Variants in TOX observed in about 807,000 individuals in gnomAD.
TOX encodes the protein thymocyte selection associated high mobility group box.
Under a neutral mutation model 53.7 loss-of-function variants are expected in TOX, and 11 were observed. The observed-to-expected ratio is 0.20, with a 90% CI of 0.13 to 0.34. The LOEUF (loss-of-function observed/expected upper bound fraction) is 0.34. Among genes scored for constraint, TOX ranks in the 10% least tolerant of loss-of-function variants. The probability of loss-of-function intolerance (pLI) is 1.00; values close to 1 mark genes in which losing one functional copy is unlikely to be tolerated. For synonymous variants in TOX, 225 were observed against 245.3 expected (o/e 0.92, Z 0.77); for missense variants, 570 against 664.6 (o/e 0.86, Z 1.56).
In TOX at chr8:58,907,526, C is replaced by T. The variant is rs376371317; in HGVS notation, c.411+31776G>A. ...AGGAGAATTGCTTGAACCCAAGAGG[C>T]GGAGGTTGCAGTGAGCTGAGATCAC... is the stretch of plus-strand genomic sequence containing the variant. On this transcript the variant is annotated intron_variant, in intron 3 of 8. Transcript: ENST00000361421. Among the ~76,000 whole-genome samples the T allele has an allele frequency of 2.6e-5, 4 of 151,998 alleles. No homozygotes were observed. In the South Asian group the frequency reaches 6.3e-4, roughly 24 times the overall value.
At chr8:58,831,394 G>A (rs1039672725) in intron 5 of TOX, among the ~76,000 whole-genome samples, 5 of 152,080 alleles carry the variant, frequency 3.3e-5, no homozygotes, top group African/African-American at 9.7e-5. Context: ...TAAAAATTAC[G>A]CCTCCATTGT....
chr8:58,948,164 G>C (rs1348268520), intron 2 of TOX, among the ~76,000 whole-genome samples: 1 of 152,166 alleles, frequency 6.6e-6, no homozygotes, highest in African/African-American at 2.4e-5. Flanking sequence ...GGACCCTGAG[G>C]TCAGGGTTTG....
At position 59,118,888 on chromosome 8, in the gene TOX, T is replaced by C; in HGVS notation, c.100A>G (p.Lys34Glu). The change falls in exon 1 of 9, where the codon AAG becomes GAG. Residue 34 changes from lysine to glutamate, a missense_variant and splice_region_variant. Physicochemically the swap from Lys to Glu is moderately conservative, Grantham distance 56. Transcript: ENST00000361421. This position sits in a 1 kb window ranked among gnomAD's most constrained non-coding sequence, Gnocchi z 4.1. ...GGAAACAAAAGCAGAGCGTTCACCT[T>C]GTTGCAATAGTAGGGGTCCAGGCAG... ...SPCLDPYYCN[K>E]FDGENMYMSM... 1 of 1,582,248 alleles carries C rather than the reference T, an allele frequency of 6.3e-7. No individual in the cohort carries two copies. The highest frequency in any genetic ancestry group is 8.6e-7 in the Non-Finnish European group (1 of 1,162,446).
At chr8:58,974,298 G>C (rs970118745) in intron 1 of TOX, among the ~76,000 whole-genome samples, 4 of 152,190 alleles carry the variant, frequency 2.6e-5, no homozygotes, top group Admixed American at 2.0e-4. Context: ...TGTCAACAGT[G>C]CTGCTGTTGA....
At chr8:59,094,428 A>G (rs1378383161) in intron 1 of TOX, among the ~76,000 whole-genome samples, 1 of 152,152 alleles carries the variant, frequency 6.6e-6, no homozygotes, top group Non-Finnish European at 1.5e-5. Context: ...ACCTGAGGTC[A>G]GGAGTTTGAG....
At chr8:58,928,142 C>A (rs552130058) in intron 3 of TOX, among the ~76,000 whole-genome samples, 2 of 152,362 alleles carry the variant, frequency 1.3e-5, no homozygotes, top group South Asian at 4.1e-4. Flanking sequence ...ATACATACCA[C>A]CTGCAGATCT....
chr8:58,910,402 G>A (rs868441535), intron 3 of TOX, among the ~76,000 whole-genome samples: 1 of 152,178 alleles, frequency 6.6e-6, no homozygotes, highest in African/African-American at 2.4e-5. Flanking sequence ...GGGAACTATT[G>A]GAGTTCAAAA....
At chr8:59,088,582 A>G (rs936107657) in intron 1 of TOX, among the ~76,000 whole-genome samples, 3 of 152,226 alleles carry the variant, frequency 2.0e-5, no homozygotes, top group African/African-American at 4.8e-5. Flanking sequence ...CAGAAAGCTG[A>G]TAACAATAGA....
intron 3 of TOX, among the ~76,000 whole-genome samples, chr8:58,924,137 A>C (rs16924229): frequency 2.0e-5 from 3 of 152,232 alleles, no homozygotes; most frequent in Non-Finnish European, 4.4e-5. Flanking sequence ...ATAGAAAATG[A>C]TATGCAGAAT....
At chr8:59,029,402 G>A (rs1414122435) in intron 1 of TOX, among the ~76,000 whole-genome samples, 1 of 152,118 alleles carries the variant, frequency 6.6e-6, no homozygotes, top group Non-Finnish European at 1.5e-5. Flanking sequence ...GGACCCTTAA[G>A]TAACCCAATC....
rs754229162 is a variant in TOX at position 59,118,860 on chromosome 8, G to C, written c.102+26C>G. 9 of 1,540,296 alleles carry C rather than the reference G, an allele frequency of 5.8e-6. No individual in the cohort carries two copies. The highest frequency in any genetic ancestry group is 7.1e-6 in the Non-Finnish European group (8 of 1,132,144). ...TCCCAGGATCAAGCAGCAAGAACACGGTGGAAACAAAAGCAGAGCGTTCAC... is the reference window on the plus strand; with the variant it reads ...TCCCAGGATCAAGCAGCAAGAACACCGTGGAAACAAAAGCAGAGCGTTCAC... On this transcript the variant is annotated intron_variant, in intron 1 of 8. Transcript: ENST00000361421. This position sits in a 1 kb window ranked among gnomAD's most constrained non-coding sequence, Gnocchi z 4.1.
chr8:58,907,374 A>AC (rs140417720), intron 3 of TOX, among the ~76,000 whole-genome samples: 7,038 of 152,254 alleles, frequency 0.046, 231 homozygotes, highest in Non-Finnish European at 0.065. Context: ...CAGGCAGACC[A>AC]CCTGAGGTCA....
chr8:58,948,901 T>C (rs925633514), intron 2 of TOX, among the ~76,000 whole-genome samples: 2 of 152,168 alleles, frequency 1.3e-5, no homozygotes, highest in Non-Finnish European at 2.9e-5. Context: ...AAAATGTGTG[T>C]CTTTCGAGAT....
At chr8:58,946,176 C>T (rs1741842873) in intron 2 of TOX, among the ~76,000 whole-genome samples, 1 of 151,986 alleles carries the variant, frequency 6.6e-6, no homozygotes, top group Non-Finnish European at 1.5e-5. Flanking sequence ...TAGAAGAATG[C>T]CAATGTTTAA....
intron 1 of TOX, among the ~76,000 whole-genome samples, chr8:58,974,845 T>C (rs1024402538): frequency 1.3e-5 from 2 of 152,188 alleles, no homozygotes; most frequent in African/African-American, 4.8e-5. Context: ...ATTAAAATCA[T>C]TAGTATTCTG....
At chr8:59,113,975 A>G (rs1805061879) in intron 1 of TOX, among the ~76,000 whole-genome samples, 1 of 152,142 alleles carries the variant, frequency 6.6e-6, no homozygotes, top group African/African-American at 2.4e-5. Context: ...TTCTAGGCCA[A>G]CCCTCTTGAA....
In TOX at chr8:58,899,204, A is replaced by G. The variant is rs533121071; in HGVS notation, c.411+40098T>C. 2.0e-3 allele frequency among the ~76,000 whole-genome samples: 305 copies of G among 152,334 alleles called. 2 individuals carry two copies. Among genetic ancestry groups the G allele is most frequent in the Non-Finnish European group, 3.0e-3 (205 of 68,032 alleles). On this transcript the variant is annotated intron_variant, in intron 3 of 8. Transcript: ENST00000361421. ...GCTAACATAATCATTTCTCAGCTAT[A>G]CTTTCCCGCTTTCTACTAACTGGCT...
At chr8:58,912,179 T>C (rs1051042902) in intron 3 of TOX, among the ~76,000 whole-genome samples, 1 of 152,262 alleles carries the variant, frequency 6.6e-6, no homozygotes, top group Admixed American at 6.5e-5. Flanking sequence ...TTCTTAAATT[T>C]AATGAATTCA....
At chr8:58,938,879 T>C (rs1427744735) in intron 3 of TOX, among the ~76,000 whole-genome samples, 3 of 152,172 alleles carry the variant, frequency 2.0e-5, no homozygotes, top group East Asian at 3.9e-4. Context: ...TTTGTGGAAA[T>C]TGAGAGCCGA....
Sources: allele counts gnomAD v4.1 joint callset (sites outside exome capture counted in the v4.1 genomes callset), GRCh38; gene constraint gnomAD v4.1.1; non-coding constraint Gnocchi (gnomAD v3.1); transcripts MANE v1.5; gene names NCBI Gene and HGNC (gene_info 2026-07-23, HGNC 2026-07-21).